Variants in SFXN5 observed in about 807,000 individuals in gnomAD.
SFXN5 encodes the protein sideroflexin 5.
In SFXN5, 43 loss-of-function variants were observed where a neutral mutation model predicts 50.2. The ratio of observed to expected loss-of-function variants is 0.86; its 90% CI spans 0.67 to 1.11. SFXN5 has a LOEUF of 1.11. Ranked by LOEUF, SFXN5 falls within the 50% of genes least tolerant of loss-of-function variation. The pLI, the probability that SFXN5 is intolerant of heterozygous loss-of-function variation, is 0.00. For synonymous variants in SFXN5, 203 were observed against 185.8 expected (o/e 1.09, Z -0.75); for missense variants, 463 against 454.1 (o/e 1.02, Z -0.18).
At chr2:72,948,779 A>G (rs930327721) in intron 13 of SFXN5, among the ~76,000 whole-genome samples, 1 of 152,200 alleles carries the variant, frequency 6.6e-6, no homozygotes, top group African/African-American at 2.4e-5. Flanking sequence ...AGGGATCAGG[A>G]GCAGGGGCCC....
chr2:73,033,717 G>A (rs574864894), intron 3 of SFXN5, among the ~76,000 whole-genome samples: 1 of 152,326 alleles, frequency 6.6e-6, no homozygotes, highest in African/African-American at 2.4e-5. Flanking sequence ...AGGACTGGGG[G>A]CTTTGCAGGC....
At chr2:72,981,431 A>T (rs1416803818) in intron 10 of SFXN5, among the ~76,000 whole-genome samples, 1 of 152,040 alleles carries the variant, frequency 6.6e-6, no homozygotes, top group Non-Finnish European at 1.5e-5. Context: ...TTGAACAGCA[A>T]GGCTTACATC....
intron 6 of SFXN5, 140 bp downstream of exon 6, chr2:73,020,099 T>C (rs1485780366): frequency 1.6e-5 from 12 of 741,226 alleles, no homozygotes; most frequent in Non-Finnish European, 2.4e-5. Flanking sequence ...GAAATACATA[T>C]CATTTTATTT....
rs1671686967 is a variant in SFXN5 at position 72,944,069 on chromosome 2, C to T, written c.*953G>A. On this transcript the variant is annotated 3_prime_UTR_variant, in exon 14 of 14. Transcript: ENST00000272433. ...CTGCTTAGAAAGGGATGGGATGGGG[C>T]AGGCAGCCTTGGTGGCTGGAGAAGC... is the stretch of plus-strand genomic sequence containing the variant. 6.6e-6 allele frequency: 1 copy of T among 152,274 alleles called. No individual in the cohort carries two copies. Among genetic ancestry groups the T allele is most frequent in the Admixed American group, 6.5e-5 (1 of 15,288 alleles). 9.4% of individuals were successfully genotyped at this position (152,274 alleles called of 1,614,324 possible). A position where few individuals can be genotyped will look rare whatever the true frequency, so the allele number is the denominator to read the frequency against.
At position 73,000,470 on chromosome 2, in the gene SFXN5, G is replaced by A. The variant is rs770429927; in HGVS notation, c.429C>T (p.His143=). The A allele has an allele frequency of 1.6e-5, 25 of 1,560,022 alleles. No individual in the cohort carries two copies. Among genetic ancestry groups the A allele is most frequent in the Non-Finnish European group, 2.2e-5 (25 of 1,150,544 alleles). Residue 143 remains histidine, a synonymous_variant, in exon 8 of 14, where the codon CAC becomes CAT. Transcript: ENST00000272433. ...TVFWQWLNQS[H]NACVNYANRN... Reference sequence around the variant, plus strand: ...GGTTTGCATAGTTGACACAGGCATTGTGGCTCTGGTTCAGCCACTGAAAGG... The same window carrying A: ...GGTTTGCATAGTTGACACAGGCATTATGGCTCTGGTTCAGCCACTGAAAGG...
chr2:73,059,047 AG>A, intron 1 of SFXN5: 1 of 997,422 alleles, frequency 1.0e-6, no homozygotes, highest in Non-Finnish European at 1.2e-6. Flanking sequence ...CTCTGCCTCC[AG>A]GGGGGATCCC....
chr2:73,065,204 G>A (rs1371528921), intron 1 of SFXN5, among the ~76,000 whole-genome samples: 1 of 151,970 alleles, frequency 6.6e-6, no homozygotes, highest in Non-Finnish European at 1.5e-5. Flanking sequence ...GGACTCAAGG[G>A]ATCCTCCTGC....
rs989733425 is a variant in SFXN5 at position 72,944,377 on chromosome 2, T to G, written c.*645A>C. The G allele has an allele frequency of 3.3e-5, 5 of 152,408 alleles. No homozygotes were observed. Among genetic ancestry groups the G allele is most frequent in the African/African-American group, 1.2e-4 (5 of 41,426 alleles). The allele number at this position is 152,408 out of a possible 1,614,324, so 9.4% of individuals were successfully genotyped here. On this transcript the variant is annotated 3_prime_UTR_variant, in exon 14 of 14. Coordinates refer to ENST00000272433, the MANE Select transcript of SFXN5 (RefSeq NM_144579.3). ...TGGAATGGATGTGGGCTGGCTACAT[T>G]CAGAGCCAGCTGCCCACAGAATCTT...
chr2:73,059,686 A>G lies in SFXN5; in HGVS notation c.103-1090T>C, dbSNP rs910342281. ...CCCCTACCCAGGTGCTGTCTCTCAC[A>G]AACCAGATCAAGCTTTGGTCCATTC... On this transcript the variant is annotated intron_variant, in intron 1 of 13. Coordinates refer to ENST00000272433, the MANE Select transcript of SFXN5 (RefSeq NM_144579.3). The G allele has an allele frequency of 6.6e-5, 64 of 964,272 alleles. 2 individuals are homozygous for G. The highest frequency in any genetic ancestry group is 7.8e-5 in the Non-Finnish European group (64 of 818,804). 59.7% of individuals were successfully genotyped at this position (964,272 alleles called of 1,614,324 possible). A position where few individuals can be genotyped will look rare whatever the true frequency, so the allele number is the denominator to read the frequency against.
intron 10 of SFXN5, among the ~76,000 whole-genome samples, chr2:72,987,506 C>T (rs1242882757): frequency 6.6e-6 from 1 of 151,830 alleles, no homozygotes; most frequent in Non-Finnish European, 1.5e-5. Flanking sequence ...GTCTGTAATC[C>T]CAGCACTTTG....
chr2:72,962,841 T>C (rs1573965795), intron 12 of SFXN5, among the ~76,000 whole-genome samples: 1 of 152,138 alleles, frequency 6.6e-6, no homozygotes, highest in East Asian at 1.9e-4. Context: ...AGCTGCTAAA[T>C]CCGGCCTGAA....
At position 73,071,596 on chromosome 2, in the gene SFXN5, G is replaced by C. The variant is rs771558795; in HGVS notation, c.102+8C>G. On this transcript the variant is annotated splice_region_variant and intron_variant, in intron 1 of 13. Coordinates refer to ENST00000272433, the MANE Select transcript of SFXN5 (RefSeq NM_144579.3). ...CCGCCGGCCCGCAGACCACAGCCCG[G>C]TCCTCACCTGCTGGAAGCGGGGTTT... 4 of 1,613,018 alleles carry C rather than the reference G, an allele frequency of 2.5e-6. No individual in the cohort carries two copies. The highest frequency in any genetic ancestry group is 3.4e-6 in the Non-Finnish European group (4 of 1,179,492).
intron 9 of SFXN5, among the ~76,000 whole-genome samples, chr2:72,989,688 A>G (rs1031761592): frequency 6.6e-6 from 1 of 152,064 alleles, no homozygotes; most frequent in Admixed American, 6.5e-5. Context: ...CGGAGGAGAG[A>G]AAGATGGGGT....
chr2:72,965,466 G>A (rs1197466984), intron 12 of SFXN5, among the ~76,000 whole-genome samples: 1 of 152,188 alleles, frequency 6.6e-6, no homozygotes, highest in Non-Finnish European at 1.5e-5. Flanking sequence ...CTCGCGATAA[G>A]GCAGGGGTCT....
At chr2:73,065,610 T>C (rs917012202) in intron 1 of SFXN5, among the ~76,000 whole-genome samples, 1 of 152,244 alleles carries the variant, frequency 6.6e-6, no homozygotes, top group Non-Finnish European at 1.5e-5. Flanking sequence ...TTGGCCAGGC[T>C]GGTCTTGAAC....
chr2:72,986,875 T>C (rs1029867727), intron 10 of SFXN5, among the ~76,000 whole-genome samples: 2 of 152,118 alleles, frequency 1.3e-5, no homozygotes, highest in African/African-American at 4.8e-5. Context: ...CACAATCACC[T>C]GCGTAGAGCC....
chr2:73,013,776 G>A lies in SFXN5; in HGVS notation c.357+6463C>T, dbSNP rs13388577. On this transcript the variant is annotated intron_variant, in intron 6 of 13. Coordinates refer to ENST00000272433, the MANE Select transcript of SFXN5 (RefSeq NM_144579.3). Reference sequence around the variant, plus strand: ...ATCCATATATGTCCAATCTTATTTCGTCAATTTTTTTGTGAAGATGTTTTT... The same window carrying A: ...ATCCATATATGTCCAATCTTATTTCATCAATTTTTTTGTGAAGATGTTTTT... Among the ~76,000 whole-genome samples the A allele has an allele frequency of 1.0e-2, 1,518 of 152,014 alleles. 22 individuals are homozygous for A. Among genetic ancestry groups the A allele is most frequent in the African/African-American group, 0.034 (1,400 of 41,488 alleles).
At chr2:72,988,474 C>T in intron 9 of SFXN5, 126 bp from the exon 10 acceptor site, 5 of 816,876 alleles carry the variant, frequency 6.1e-6, no homozygotes, top group Admixed American at 4.7e-5. Flanking sequence ...AACTGCACCT[C>T]ACACCCCTAA....
chr2:72,965,310 GA>G (rs1674256344), intron 12 of SFXN5, among the ~76,000 whole-genome samples: 1 of 152,154 alleles, frequency 6.6e-6, no homozygotes, highest in East Asian at 1.9e-4. Flanking sequence ...GACTCCAGAG[GA>G]AAACCAATCT....
Sources: allele counts gnomAD v4.1 joint callset (sites outside exome capture counted in the v4.1 genomes callset), GRCh38; gene constraint gnomAD v4.1.1; transcripts MANE v1.5; gene names NCBI Gene and HGNC (gene_info 2026-07-23, HGNC 2026-07-21).